ZNF469: variants seen among roughly 807,000 people sequenced by gnomAD.
ZNF469 encodes zinc finger protein 469.
In ZNF469, 1 loss-of-function variant was observed where a neutral mutation model predicts 1.0. The ratio of observed to expected loss-of-function variants is 1.00; its 90% CI spans 0.35 to 4.73. The LOEUF (loss-of-function observed/expected upper bound fraction) is 4.73. Among genes scored for constraint, ZNF469 ranks in the 30% most tolerant of loss-of-function variants. The pLI is 0.16. For synonymous variants in ZNF469, 2,703 were observed against 2,363.4 expected, an observed-to-expected ratio of 1.14 and a Z score of -4.17; for missense variants, 6,100 against 5,356.3, an observed-to-expected ratio of 1.14 and a Z score of -4.33.
At chr16:88,377,136 G>T in the ZNF469 span, among the ~76,000 whole-genome samples, 1 of 152,248 alleles carries the variant, frequency 6.6e-6, no homozygotes, top group Non-Finnish European at 1.5e-5. Context: ...TGTGTCTTCT[G>T]CACACCAGGC....
At chr16:88,200,380 A>C in the ZNF469 span, among the ~76,000 whole-genome samples, 1 of 152,200 alleles carries the variant, frequency 6.6e-6, no homozygotes, top group African/African-American at 2.4e-5. Flanking sequence ...CTGAGAAACC[A>C]CACGCTCCAA....
chr16:88,411,260 C>A (rs1040228719), intron 1 of ZNF469, among the ~76,000 whole-genome samples: 1 of 152,176 alleles, frequency 6.6e-6, no homozygotes, highest in Non-Finnish European at 1.5e-5. Flanking sequence ...GACAATGACA[C>A]AGAGACGCAG....
intron 1 of ZNF469, among the ~76,000 whole-genome samples, chr16:88,398,948 AC>A (rs936321717): frequency 1.3e-5 from 2 of 151,824 alleles, no homozygotes; most frequent in Non-Finnish European, 2.9e-5. Context: ...GCAAACCACC[AC>A]CCCCCCAGGA....
In ZNF469 at chr16:88,436,561, G is replaced by A; in HGVS notation, c.9091G>A (p.Gly3031Arg). The A allele has an allele frequency of 6.5e-7, 1 of 1,549,808 alleles. No homozygotes were observed. Among genetic ancestry groups the A allele is most frequent in the Non-Finnish European group, 8.7e-7 (1 of 1,146,942 alleles). ...PSLERERCDG[G>R]LPGNTHLLPL... ...CCTGGAGAGAGAACGCTGTGACGGT[G>A]GGCTTCCCGGGAACACCCACCTGCT... The change falls in exon 3 of 3, where the codon GGG (glycine) becomes AGG (arginine). Residue 3031 changes from glycine to arginine, a missense_variant. Gly to Arg is a moderately radical substitution (Grantham distance 125). Coordinates refer to ENST00000565624, the MANE Select transcript of ZNF469 (RefSeq NM_001367624.2).
chr16:88,129,905 G>A, the ZNF469 span, among the ~76,000 whole-genome samples: 4 of 152,216 alleles, frequency 2.6e-5, no homozygotes, highest in Non-Finnish European at 5.9e-5. Context: ...ACCAGCCACC[G>A]AAGCCCCTCC....
intron 1 of ZNF469, among the ~76,000 whole-genome samples, chr16:88,405,946 G>T (rs996468257): frequency 6.6e-6 from 1 of 152,238 alleles, no homozygotes; most frequent in African/African-American, 2.4e-5. Flanking sequence ...ACATCAGAGC[G>T]TCTTGGCAGC....
the ZNF469 span, among the ~76,000 whole-genome samples, chr16:88,263,279 G>A: frequency 0.15 from 22,214 of 152,198 alleles, 1,907 homozygotes; most frequent in East Asian, 0.41. Context: ...CGAACTAGGG[G>A]ATTGGGATTC....
At chr16:88,346,772 G>A in the ZNF469 span, among the ~76,000 whole-genome samples, 1 of 152,198 alleles carries the variant, frequency 6.6e-6, no homozygotes, top group African/African-American at 2.4e-5. Context: ...GAGATGGGCG[G>A]CCCTGTGTGT....
At chr16:88,309,772 C>T in the ZNF469 span, among the ~76,000 whole-genome samples, 6 of 152,018 alleles carry the variant, frequency 3.9e-5, no homozygotes, top group South Asian at 4.1e-4. Context: ...CCTCTCGGTG[C>T]CAGGGAGTGT....
chr16:88,127,153 C>G, the ZNF469 span, among the ~76,000 whole-genome samples: 1 of 152,092 alleles, frequency 6.6e-6, no homozygotes, highest in Non-Finnish European at 1.5e-5. Flanking sequence ...TGGATTTGCT[C>G]ATTTTTGTTG....
the ZNF469 span, among the ~76,000 whole-genome samples, chr16:88,224,253 G>C: frequency 6.6e-6 from 1 of 152,158 alleles, no homozygotes; most frequent in African/African-American, 2.4e-5. Flanking sequence ...GCCACCCTGC[G>C]TGCCCGGGCC....
chr16:88,344,814 C>T, the ZNF469 span, among the ~76,000 whole-genome samples: 2 of 152,182 alleles, frequency 1.3e-5, no homozygotes, highest in Admixed American at 6.5e-5. Flanking sequence ...GAGACCGGGT[C>T]GGAACCCGAG....
chr16:88,417,151 GC>G (rs1339101082), intron 1 of ZNF469, among the ~76,000 whole-genome samples: 2 of 151,772 alleles, frequency 1.3e-5, no homozygotes, highest in African/African-American at 4.8e-5. Flanking sequence ...CGAGAGCAAG[GC>G]CCCCACCCAC....
chr16:88,422,410 T>C (rs1905498107), intron 1 of ZNF469, among the ~76,000 whole-genome samples: 2 of 93,898 alleles, frequency 2.1e-5, no homozygotes, highest in Admixed American at 3.0e-4. Flanking sequence ...GATAGATGGG[T>C]GGACAAATGG....
At chr16:88,333,721 G>GAAGGCATTTCC in the ZNF469 span, among the ~76,000 whole-genome samples, 1 of 152,198 alleles carries the variant, frequency 6.6e-6, no homozygotes, top group Admixed American at 6.5e-5. Flanking sequence ...TCTTCCCACG[G>GAAGGCATTTCC]ATGCGGGCCC....
the ZNF469 span, among the ~76,000 whole-genome samples, chr16:88,186,824 G>A: frequency 6.6e-6 from 1 of 152,204 alleles, no homozygotes; most frequent in Admixed American, 6.5e-5. Flanking sequence ...CGGGGCGGGG[G>A]GATGCGGTCA....
the ZNF469 span, among the ~76,000 whole-genome samples, chr16:88,223,800 C>T: frequency 0.73 from 111,499 of 152,120 alleles, 42,395 homozygotes; most frequent in Non-Finnish European, 0.85. Context: ...GGTTATTTGA[C>T]TTTTCTCCTG....
chr16:88,287,476 A>C, the ZNF469 span, among the ~76,000 whole-genome samples: 1 of 152,240 alleles, frequency 6.6e-6, no homozygotes, highest in African/African-American at 2.4e-5. Flanking sequence ...GGGAGACAAC[A>C]GCTCCAAGTC....
the ZNF469 span, among the ~76,000 whole-genome samples, chr16:88,336,625 A>G: frequency 6.6e-6 from 1 of 152,136 alleles, no homozygotes; most frequent in Non-Finnish European, 1.5e-5. Context: ...CACGTGAGAC[A>G]CTAACGTGCC....
Sources: allele counts gnomAD v4.1 joint callset (sites outside exome capture counted in the v4.1 genomes callset), GRCh38; gene constraint gnomAD v4.1.1; transcripts MANE v1.5; gene names NCBI Gene and HGNC (gene_info 2026-07-23, HGNC 2026-07-21).